BTBD9: variants seen among roughly 807,000 people sequenced by gnomAD.
BTBD9 encodes the protein BTB domain containing 9, also known as BTB/POZ domain-containing protein 9.
BTBD9 carries 49 observed loss-of-function variants against 64.3 expected under a neutral mutation model. That is an observed-to-expected ratio of 0.76 (90% confidence interval 0.61 to 0.97). The LOEUF (loss-of-function observed/expected upper bound fraction) is 0.97, where lower values mean the gene tolerates loss of function less well. Among genes scored for constraint, BTBD9 ranks in the 50% least tolerant of loss-of-function variants. The probability of loss-of-function intolerance (pLI) is 0.00; values close to 1 mark genes in which losing one functional copy is unlikely to be tolerated. For missense variants in BTBD9, 598 were observed against 762.1 expected, an observed-to-expected ratio of 0.78 and a Z score of 2.53; for synonymous variants, 260 against 274.7, an observed-to-expected ratio of 0.95 and a Z score of 0.53.
chr6:38,579,388 G>C (rs1447909741), intron 5 of BTBD9, among the ~76,000 whole-genome samples: 5 of 152,178 alleles, frequency 3.3e-5, no homozygotes, highest in Non-Finnish European at 7.3e-5. Context: ...TGGGTATGCA[G>C]GGTTTAGGTT....
At chr6:38,363,639 G>A (rs543596904) in intron 6 of BTBD9, among the ~76,000 whole-genome samples, 3 of 152,212 alleles carry the variant, frequency 2.0e-5, no homozygotes, top group African/African-American at 7.2e-5. Flanking sequence ...TCTATTGGCA[G>A]GATTGTATTT....
chr6:38,512,624 AC>A (rs1238211757), intron 6 of BTBD9, among the ~76,000 whole-genome samples: 2 of 152,184 alleles, frequency 1.3e-5, no homozygotes, highest in Non-Finnish European at 2.9e-5. Context: ...CATTTTGCCC[AC>A]CCTTTCAGAC....
intron 6 of BTBD9, among the ~76,000 whole-genome samples, chr6:38,389,467 C>T (rs1319356765): frequency 6.6e-6 from 1 of 152,208 alleles, no homozygotes; most frequent in Non-Finnish European, 1.5e-5. Flanking sequence ...GAAGCACCTG[C>T]ACTACACATA....
At chr6:38,412,262 A>G (rs1184737687) in intron 6 of BTBD9, among the ~76,000 whole-genome samples, 2 of 152,132 alleles carry the variant, frequency 1.3e-5, no homozygotes, top group Non-Finnish European at 2.9e-5. Context: ...AAAATAAAGA[A>G]CTGAAGCCTG....
intron 10 of BTBD9, among the ~76,000 whole-genome samples, chr6:38,175,452 C>T (rs1350921939): frequency 2.0e-5 from 3 of 152,234 alleles, no homozygotes; most frequent in African/African-American, 7.2e-5. Context: ...AAAATCTTCA[C>T]ACTGGATTAC....
chr6:38,503,493 T>C (rs1367799927), intron 6 of BTBD9, among the ~76,000 whole-genome samples: 1 of 152,160 alleles, frequency 6.6e-6, no homozygotes. Context: ...CTCAAGTTAC[T>C]ATTTTTTTCT....
intron 1 of BTBD9, among the ~76,000 whole-genome samples, chr6:38,629,037 A>C (rs766547197): frequency 2.0e-5 from 3 of 152,170 alleles, no homozygotes; most frequent in Admixed American, 1.3e-4. Context: ...AGTTTAAAAA[A>C]AAAAACAAAA....
rs146067000 is a variant in BTBD9 at position 38,178,352 on chromosome 6, C to T, written c.1642-3170G>A. ...ACCAACAGAGACAGGATGAACATCA[C>T]ATATGCAGCAGACACGGCCAGAGGA... On this transcript the variant is annotated intron_variant, in intron 10 of 10. Transcript: ENST00000481247. Among the ~76,000 whole-genome samples the T allele has an allele frequency of 1.1e-4, 17 of 152,296 alleles. No homozygotes were observed. The Middle Eastern group carries it at 0.014, about 122-fold the overall frequency.
intron 7 of BTBD9, among the ~76,000 whole-genome samples, chr6:38,331,856 G>GA (rs1261418512): frequency 6.6e-6 from 1 of 151,354 alleles, no homozygotes. Context: ...CCCTCTCTTG[G>GA]AAAAAAAAGC....
intron 1 of BTBD9, among the ~76,000 whole-genome samples, chr6:38,624,072 G>A (rs1778089719): frequency 6.6e-6 from 1 of 152,196 alleles, no homozygotes; most frequent in African/African-American, 2.4e-5. Context: ...TGGGTTGAGT[G>A]GGGACTTGGG....
intron 7 of BTBD9, among the ~76,000 whole-genome samples, chr6:38,331,206 G>C (rs1489960862): frequency 6.6e-6 from 1 of 152,206 alleles, no homozygotes; most frequent in East Asian, 1.9e-4. Context: ...CAGGCCAGGC[G>C]TGGTGGCTTA....
chr6:38,456,012 C>G (rs1050839144), intron 6 of BTBD9, among the ~76,000 whole-genome samples: 7 of 150,506 alleles, frequency 4.7e-5, no homozygotes, highest in African/African-American at 1.7e-4. Context: ...GAGACAGAGT[C>G]TTGCTCTGTA....
At chr6:38,470,550 C>T (rs1462933637) in intron 6 of BTBD9, among the ~76,000 whole-genome samples, 16 of 152,194 alleles carry the variant, frequency 1.1e-4, no homozygotes, top group Admixed American at 1.0e-3. Flanking sequence ...TGTGGAAATC[C>T]TTCAGATACC....
At chr6:38,440,618 C>G (rs535994675) in intron 6 of BTBD9, among the ~76,000 whole-genome samples, 1 of 152,234 alleles carries the variant, frequency 6.6e-6, no homozygotes, top group Admixed American at 6.5e-5. Flanking sequence ...AAGTCCCTTA[C>G]AATTGTAAAA....
chr6:38,527,377 C>A (rs564928520), intron 6 of BTBD9, among the ~76,000 whole-genome samples: 43 of 150,542 alleles, frequency 2.9e-4, no homozygotes, highest in African/African-American at 1.0e-3. Flanking sequence ...TAATTGTAAT[C>A]CCCATGTATC....
intron 6 of BTBD9, among the ~76,000 whole-genome samples, chr6:38,363,560 G>C (rs1217664706): frequency 6.6e-6 from 1 of 152,164 alleles, no homozygotes; most frequent in Non-Finnish European, 1.5e-5. Context: ...TATAGCTTGG[G>C]TGACAAAGAC....
intron 7 of BTBD9, among the ~76,000 whole-genome samples, chr6:38,338,276 G>GT (rs942125142): frequency 6.6e-6 from 1 of 152,220 alleles, no homozygotes; most frequent in African/African-American, 2.4e-5. Context: ...GTGGAGCAGA[G>GT]TGGGATGGCA....
rs869155666 is a variant in BTBD9, at chr6:38,171,846, CAAAAAAAAAAAAAAAAAAAAAAAAAAAA to C, written c.*3111_*3138del. 1.6e-4 allele frequency: 13 copies of C among 79,238 alleles called. No homozygotes were observed. The highest frequency in any genetic ancestry group is 7.1e-4 in the African/African-American group (13 of 18,304). 4.9% of individuals were successfully genotyped at this position (79,238 alleles called of 1,614,324 possible). A position where few individuals can be genotyped will look rare whatever the true frequency, so the allele number is the denominator to read the frequency against. ...TCCAATGAAGTTGCCTTTCTACTCT[CAAAAAAAAAAAAAAAAAAAAAAAAAAAA>C]AAAAAAAATAATAATAATAATAATA... On this transcript the variant is annotated 3_prime_UTR_variant, in exon 11 of 11. Transcript: ENST00000481247.
In BTBD9 at chr6:38,548,386, T is replaced by C. The variant is rs148714489; in HGVS notation, c.1154+29214A>G. Among the ~76,000 whole-genome samples the C allele has an allele frequency of 4.7e-3, 721 of 152,332 alleles. 4 individuals are homozygous for C. The highest frequency in any genetic ancestry group is 6.8e-3 in the Non-Finnish European group (461 of 68,022). ...CGTATGCTTTGTAATTTACTGAAAATTGAAATCATCAGTAATCATTTCTTC... is the reference window on the plus strand; with the variant it reads ...CGTATGCTTTGTAATTTACTGAAAACTGAAATCATCAGTAATCATTTCTTC... On this transcript the variant is annotated intron_variant, in intron 6 of 10. Coordinates refer to ENST00000481247, the MANE Select transcript of BTBD9 (RefSeq NM_001099272.2).
Sources: allele counts gnomAD v4.1 joint callset (sites outside exome capture counted in the v4.1 genomes callset), GRCh38; gene constraint gnomAD v4.1.1; transcripts MANE v1.5; gene names NCBI Gene and HGNC (gene_info 2026-07-23, HGNC 2026-07-21).